Variants in JCAD observed in about 807,000 individuals in gnomAD.
JCAD encodes the protein junctional cadherin 5-associated protein.
In JCAD, 40 loss-of-function variants were observed where a neutral mutation model predicts 98.0. That is an observed-to-expected ratio of 0.41 (90% CI 0.32 to 0.53). The LOEUF (loss-of-function observed/expected upper bound fraction) is 0.53. Ranked by LOEUF, JCAD falls within the 20% of genes least tolerant of loss-of-function variation. The pLI is 0.31. For missense variants in JCAD, 1,705 were observed against 1,738.1 expected, an observed-to-expected ratio of 0.98 and a Z score of 0.34; for synonymous variants, 691 against 682.3, an observed-to-expected ratio of 1.01 and a Z score of -0.20.
At position 30,027,334 on chromosome 10, in the gene JCAD, T is replaced by G. The variant is rs765690865; in HGVS notation, c.2814A>C (p.Glu938Asp). ...AGCAGAAAGGTGCACCGCCACCTTC[T>G]TCCACGCGAAAGCGGCCCGGGGATG... Reference protein sequence around the residue: ...WPPSPGRFRVEEGGGAPFCSA... With the variant: ...WPPSPGRFRVDEGGGAPFCSA... The change falls in exon 3 of 4, where the codon GAA becomes GAC. Residue 938 changes from glutamate to aspartate, a missense_variant. This residue lies in a region of JCAD where 1,278 missense variants were observed against 1,243.1 expected (regional missense o/e 1.03). Transcript: ENST00000375377. 6.2e-7 allele frequency: 1 copy of G among 1,613,318 alleles called. No individual in the cohort carries two copies. The highest frequency in any genetic ancestry group is 1.1e-5 in the South Asian group (1 of 91,082).
chr10:30,093,228 A>G lies in JCAD; in HGVS notation n.128+22139T>C, dbSNP rs1838314762. ...TGAGACCATGCCAGGGAAGGAATCT[A>G]CCTTTAGCCATAAGCAAGGGAATTG... On this transcript the variant is annotated intron_variant and non_coding_transcript_variant, in intron 1 of 2. Transcript: ENST00000465712. Among the ~76,000 whole-genome samples the G allele has an allele frequency of 5.3e-5, 8 of 152,138 alleles. 1 individual carries two copies. The South Asian group carries it at 1.7e-3, about 32-fold the overall frequency.
chr10:30,079,472 T>C (rs1199526481), intron 1 of JCAD, among the ~76,000 whole-genome samples: 1 of 152,222 alleles, frequency 6.6e-6, no homozygotes, highest in Non-Finnish European at 1.5e-5. Flanking sequence ...ATGGACTCTT[T>C]TGAGTTTTAA....
intron 3 of JCAD, 134 bp downstream of exon 3, chr10:30,025,969 G>T: frequency 9.8e-7 from 1 of 1,018,110 alleles, no homozygotes; most frequent in Non-Finnish European, 1.5e-6. Flanking sequence ...GGAATCTTTT[G>T]ATAAAACAAT....
rs369353569 is a variant in JCAD at position 30,029,594 on chromosome 10, C to T, written c.554G>A (p.Ser185Asn). Residue 185 changes from serine to asparagine, a missense_variant, in exon 3 of 4, where the codon AGC becomes AAC. This residue lies in a region of JCAD where 275 missense variants were observed against 346.9 expected (regional missense o/e 0.79). Transcript: ENST00000375377. ...CCTTGGCTGGTTCCAGCTTTCCAGG[C>T]TGACGTTCTGCCACTTGGCAGGACC... is the stretch of plus-strand genomic sequence containing the variant. Reference protein sequence around the residue: ...MSGPAKWQNVSLESWNQPRKL... With the variant: ...MSGPAKWQNVNLESWNQPRKL... The T allele has an allele frequency of 5.6e-6, 9 of 1,614,130 alleles. No individual in the cohort carries two copies. In the African/African-American group the frequency reaches 1.2e-4, roughly 22 times the overall value.
chr10:30,113,205 T>C (rs538818362), intron 1 of JCAD, among the ~76,000 whole-genome samples: 6 of 152,084 alleles, frequency 3.9e-5, no homozygotes, highest in South Asian at 2.1e-4. Context: ...TGAGTGGAGA[T>C]TTGGGCAAAG....
intron 1 of JCAD, among the ~76,000 whole-genome samples, chr10:30,071,886 T>C (rs1401869098): frequency 6.6e-6 from 1 of 152,180 alleles, no homozygotes; most frequent in Non-Finnish European, 1.5e-5. Flanking sequence ...AATACATTAT[T>C]GCTTTGGGAA....
upstream of JCAD, among the ~76,000 whole-genome samples, chr10:30,062,685 G>A (rs1437521332): frequency 1.3e-5 from 2 of 152,172 alleles, no homozygotes; most frequent in African/African-American, 4.8e-5. Context: ...CGCGCCTTAC[G>A]TGGCAGCAGG....
intron 1 of JCAD, among the ~76,000 whole-genome samples, chr10:30,111,096 T>A (rs1383652841): frequency 6.6e-6 from 1 of 152,052 alleles, no homozygotes; most frequent in Non-Finnish European, 1.5e-5. Context: ...ACCCCCGACC[T>A]GATATATGGA....
chr10:30,096,089 C>T (rs1041284963), intron 1 of JCAD, among the ~76,000 whole-genome samples: 2 of 152,210 alleles, frequency 1.3e-5, no homozygotes, highest in African/African-American at 4.8e-5. Flanking sequence ...ATCCACACAG[C>T]CATCAGAGGG....
chr10:30,068,574 G>A (rs1006150837), intron 2 of JCAD, among the ~76,000 whole-genome samples: 7 of 152,198 alleles, frequency 4.6e-5, no homozygotes, highest in East Asian at 3.9e-4. Flanking sequence ...ACTGGATTCC[G>A]AATACCTGGT....
At chr10:30,094,025 C>T (rs1320667316) in intron 1 of JCAD, among the ~76,000 whole-genome samples, 1 of 152,148 alleles carries the variant, frequency 6.6e-6, no homozygotes, top group Non-Finnish European at 1.5e-5. Flanking sequence ...GAGGACTTAA[C>T]TATGAGATGG....
intron 1 of JCAD, among the ~76,000 whole-genome samples, chr10:30,092,096 C>A (rs1287444136): frequency 3.7e-3 from 23 of 6,228 alleles, no homozygotes; most frequent in Admixed American, 6.4e-3. Context: ...TATAAAGTTA[C>A]TTTATATATA....
At chr10:30,074,599 G>A (rs116595540) in intron 1 of JCAD, among the ~76,000 whole-genome samples, 2,107 of 152,312 alleles carry the variant, frequency 0.014, 53 homozygotes, top group African/African-American at 0.047. Context: ...AGTGCTTTCA[G>A]TGTGGTAGGG....
rs577163090 is a variant in JCAD at position 30,029,417 on chromosome 10, G to A, written c.731C>T (p.Thr244Met). ...TTCATTTAATGGAATGGGAATTTCCGTGCAACTCAGGCTCTCGGGGGAAAG... is the reference window on the plus strand; with the variant it reads ...TTCATTTAATGGAATGGGAATTTCCATGCAACTCAGGCTCTCGGGGGAAAG... ...RVLSPESLSC[T>M]EIPIPLNERH... Residue 244 changes from threonine to methionine, a missense_variant, in exon 3 of 4, where the codon ACG (threonine) becomes ATG (methionine). This residue lies in a region of JCAD where 275 missense variants were observed against 346.9 expected (regional missense o/e 0.79). Transcript: ENST00000375377. The A allele has an allele frequency of 4.8e-5, 78 of 1,614,070 alleles. 1 individual carries two copies. The highest frequency in any genetic ancestry group is 2.9e-4 in the African/African-American group (22 of 74,996).
At chr10:30,020,310 G>C (rs891454046) in intron 3 of JCAD, among the ~76,000 whole-genome samples, 3 of 124,144 alleles carry the variant, frequency 2.4e-5, no homozygotes, top group Non-Finnish European at 4.8e-5. Context: ...TTGGGCAACA[G>C]AGTGAGACTC....
At chr10:30,053,172 T>A (rs1169632028) in intron 1 of JCAD, among the ~76,000 whole-genome samples, 1 of 151,446 alleles carries the variant, frequency 6.6e-6, no homozygotes, top group Non-Finnish European at 1.5e-5. Context: ...GGTAAGGGCA[T>A]GAGGAGCTAT....
chr10:30,079,146 G>A (rs925554031), intron 1 of JCAD, among the ~76,000 whole-genome samples: 5 of 152,036 alleles, frequency 3.3e-5, no homozygotes, highest in Admixed American at 3.3e-4. Context: ...CAGATCACGA[G>A]GTCAGGAGAT....
At chr10:30,099,375 A>C (rs1838431866) in intron 1 of JCAD, among the ~76,000 whole-genome samples, 1 of 152,200 alleles carries the variant, frequency 6.6e-6, no homozygotes, top group Non-Finnish European at 1.5e-5. Flanking sequence ...ATTATGCCTC[A>C]GACTTTGTTT....
At chr10:30,110,182 T>C (rs1564476278) in intron 1 of JCAD, among the ~76,000 whole-genome samples, 4 of 148,778 alleles carry the variant, frequency 2.7e-5, no homozygotes. Context: ...GACCCGCTGA[T>C]GTATGGACCT....
Sources: allele counts gnomAD v4.1 joint callset (sites outside exome capture counted in the v4.1 genomes callset), GRCh38; gene constraint gnomAD v4.1.1; regional missense constraint gnomAD v4.1.1; transcripts MANE v1.5; gene names NCBI Gene and HGNC (gene_info 2026-07-23, HGNC 2026-07-21).